Variants in ZNF254 observed in about 807,000 individuals in gnomAD.
ZNF254 encodes zinc finger protein 254.
ZNF254 carries 10 observed loss-of-function variants against 12.4 expected under a neutral mutation model. The observed-to-expected ratio is 0.80, with a 90% CI of 0.50 to 1.36. The LOEUF (loss-of-function observed/expected upper bound fraction) is 1.36, where lower values mean the gene tolerates loss of function less well. Ranked by LOEUF, ZNF254 falls within the 40% of genes most tolerant of loss-of-function variation. The probability of loss-of-function intolerance (pLI) is 0.00; values close to 1 mark genes in which losing one functional copy is unlikely to be tolerated. For missense variants in ZNF254, 996 were observed against 763.9 expected (o/e 1.30, Z -3.58); for synonymous variants, 305 against 253.4 (o/e 1.20, Z -1.93).
At chr19:24,062,968 T>G (rs1971132940) in intron 2 of ZNF254, among the ~76,000 whole-genome samples, 1 of 152,010 alleles carries the variant, frequency 6.6e-6, no homozygotes, top group Admixed American at 6.5e-5. Context: ...GCCAGCTAAT[T>G]TTTTGTATTT....
At chr19:24,063,203 A>T (rs902705285) in intron 2 of ZNF254, among the ~76,000 whole-genome samples, 1 of 152,192 alleles carries the variant, frequency 6.6e-6, no homozygotes, top group Non-Finnish European at 1.5e-5. Flanking sequence ...GGAAGTGTTG[A>T]CTGTCATTCC....
At chr19:24,050,457 G>C (rs1970603752) in intron 2 of ZNF254, among the ~76,000 whole-genome samples, 1 of 152,166 alleles carries the variant, frequency 6.6e-6, no homozygotes, top group Non-Finnish European at 1.5e-5. Flanking sequence ...ATTGCTCTTG[G>C]CACCCTTTGA....
chr19:24,106,024 A>G lies in ZNF254; in HGVS notation c.115A>G (p.Arg39Gly). The G allele has an allele frequency of 6.3e-7, 1 of 1,599,338 alleles. No homozygotes were observed. Among genetic ancestry groups the G allele is most frequent in the South Asian group, 1.1e-5 (1 of 90,772 alleles). The change falls in exon 2 of 4, where the codon AGA becomes GGA. Residue 39 changes from arginine (R) to glycine (G), a missense_variant. Physicochemically the swap from Arg to Gly is moderately radical, Grantham distance 125. Coordinates refer to ENST00000357002, the MANE Select transcript of ZNF254 (RefSeq NM_203282.4). ...HLDIAQQNLYRNVMLENYRNL... is the reference protein window; with the variant it reads ...HLDIAQQNLYGNVMLENYRNL... Reference sequence around the variant, plus strand: ...GGACATTGCACAGCAGAATTTATATAGAAATGTGATGTTAGAGAACTACAG... The same window carrying G: ...GGACATTGCACAGCAGAATTTATATGGAAATGTGATGTTAGAGAACTACAG...
intron 2 of ZNF254, among the ~76,000 whole-genome samples, chr19:24,077,061 C>T (rs1241502915): frequency 1.3e-5 from 2 of 152,180 alleles, no homozygotes; most frequent in African/African-American, 2.4e-5. Flanking sequence ...TGTTTGTTTC[C>T]TCTGCCCTAT....
chr19:24,059,788 G>C (rs1971001040), intron 2 of ZNF254, among the ~76,000 whole-genome samples: 1 of 152,090 alleles, frequency 6.6e-6, no homozygotes, highest in South Asian at 2.1e-4. Flanking sequence ...ACATATCCCT[G>C]GCCCTAGCAC....
chr19:24,087,906 G>GTTTTTT (rs766484656), intron 1 of ZNF254, among the ~76,000 whole-genome samples: 2 of 126,362 alleles, frequency 1.6e-5, no homozygotes, highest in Admixed American at 8.0e-5. Flanking sequence ...CTAGGTTGTC[G>GTTTTTT]TTTTTTTTTT....
chr19:24,070,612 A>C (rs1423477138), intron 2 of ZNF254, among the ~76,000 whole-genome samples: 1 of 152,178 alleles, frequency 6.6e-6, no homozygotes, highest in Admixed American at 6.5e-5. Context: ...CCAACCTCCA[A>C]ATGGTCTTGC....
intron 3 of ZNF254, among the ~76,000 whole-genome samples, chr19:24,110,497 G>A (rs571754418): frequency 3.0e-4 from 46 of 152,090 alleles, no homozygotes; most frequent in Non-Finnish European, 6.3e-4. Flanking sequence ...GCCTGGGATT[G>A]TGAGGCTGCA....
chr19:24,102,269 C>T (rs1460760453), intron 1 of ZNF254, among the ~76,000 whole-genome samples: 2 of 128,744 alleles, frequency 1.6e-5, no homozygotes, highest in East Asian at 2.3e-4. Context: ...ACTTATTTAT[C>T]TTCTAAATTA....
intron 3 of ZNF254, among the ~76,000 whole-genome samples, chr19:24,116,341 T>C (rs1042381806): frequency 3.3e-5 from 5 of 152,236 alleles, no homozygotes; most frequent in East Asian, 1.9e-4. Context: ...ACCAATCAGA[T>C]GTGGATTTGG....
intron 2 of ZNF254, among the ~76,000 whole-genome samples, chr19:24,059,722 AC>A (rs1350509551): frequency 6.6e-6 from 1 of 152,104 alleles, no homozygotes; most frequent in East Asian, 1.9e-4. Flanking sequence ...TTCTTTCATC[AC>A]CCAAGTGGTG....
chr19:24,117,874 C>G (rs757327547), intron 3 of ZNF254, among the ~76,000 whole-genome samples: 13 of 151,866 alleles, frequency 8.6e-5, no homozygotes, highest in South Asian at 2.1e-4. Flanking sequence ...GAATCATATT[C>G]CATTCTATCA....
chr19:24,047,583 T>A (rs1269630222), intron 2 of ZNF254, among the ~76,000 whole-genome samples: 1 of 147,350 alleles, frequency 6.8e-6, no homozygotes, highest in Admixed American at 6.9e-5. Flanking sequence ...TTTTATTTTC[T>A]TTTTCATTCT....
chr19:24,108,470 C>T (rs1973469924), intron 3 of ZNF254, among the ~76,000 whole-genome samples: 1 of 152,164 alleles, frequency 6.6e-6, no homozygotes, highest in South Asian at 2.1e-4. Flanking sequence ...TTTCACAACT[C>T]CTTTCCTGGA....
At chr19:24,086,149 G>A (rs1373560983), upstream of ZNF254, among the ~76,000 whole-genome samples, 3 of 152,038 alleles carry the variant, frequency 2.0e-5, no homozygotes, top group Non-Finnish European at 4.4e-5. Flanking sequence ...AGAGGTTGCA[G>A]TTAGCCAAGA....
intron 2 of ZNF254, among the ~76,000 whole-genome samples, chr19:24,074,324 T>C (rs1031366324): frequency 6.6e-6 from 1 of 152,196 alleles, no homozygotes; most frequent in African/African-American, 2.4e-5. Context: ...TAGGTTCTGC[T>C]CTCAATGTAG....
upstream of ZNF254, among the ~76,000 whole-genome samples, chr19:24,085,427 A>ACATATATATATATATATAT (rs1369362234): frequency 2.4e-5 from 1 of 42,450 alleles, no homozygotes; most frequent in East Asian, 5.6e-4. Context: ...TATATATATA[A>ACATATATATATATATATAT]AAACTAAGAT....
intron 2 of ZNF254, among the ~76,000 whole-genome samples, chr19:24,059,068 C>A (rs1028800836): frequency 2.6e-5 from 4 of 152,234 alleles, no homozygotes; most frequent in Admixed American, 2.6e-4. Context: ...CTGGGCCCAA[C>A]AGCATAATGA....
rs546800205 is a variant in ZNF254, at chr19:24,057,795, C to T, written c.-94+11516C>T. Among the ~76,000 whole-genome samples the T allele has an allele frequency of 5.9e-5, 9 of 152,324 alleles. No individual in the cohort carries two copies. The South Asian group carries it at 1.9e-3, about 32-fold the overall frequency. ...AAACAGCCAGTAAGAGGGATTGTGT[C>T]TCTCATTCAATGATTCAATTCATTC... is the stretch of plus-strand genomic sequence containing the variant. On this transcript the variant is annotated intron_variant, in intron 2 of 4. Transcript: ENST00000613065.
Sources: gnomAD v4.1 joint callset for allele counts (sites outside exome capture counted in the v4.1 genomes callset) on GRCh38, gnomAD v4.1.1 for gene constraint, MANE v1.5 for transcripts, NCBI Gene and HGNC (gene_info 2026-07-23, HGNC 2026-07-21) for gene names.